The following DIP2C variants were observed in gnomAD, a reference collection of about 807,000 sequenced individuals.
The protein encoded by DIP2C is DIP2 acetate--CoA ligase C (putative), also known as disco-interacting protein 2 homolog C.
DIP2C carries 33 observed loss-of-function variants against 192.4 expected under a neutral mutation model. The observed-to-expected ratio is 0.17, with a 90% confidence interval of 0.13 to 0.23. The LOEUF (loss-of-function observed/expected upper bound fraction) is 0.23, where lower values mean the gene tolerates loss of function less well. Ranked by LOEUF, DIP2C falls within the 10% of genes least tolerant of loss-of-function variation. The probability of loss-of-function intolerance (pLI) is 1.00; values close to 1 mark genes in which losing one functional copy is unlikely to be tolerated. For synonymous variants in DIP2C, 979 were observed against 864.1 expected, an observed-to-expected ratio of 1.13 and a Z score of -2.33; for missense variants, 1,537 against 2,110.1, an observed-to-expected ratio of 0.73 and a Z score of 5.32.
intron 1 of DIP2C, among the ~76,000 whole-genome samples, chr10:491,945 G>A (rs1206369349): frequency 6.6e-6 from 1 of 152,024 alleles, no homozygotes; most frequent in Non-Finnish European, 1.5e-5. Flanking sequence ...TCAGAATCCT[G>A]ACCCCAGAAA....
intron 32 of DIP2C, among the ~76,000 whole-genome samples, chr10:292,973 G>A (rs1211814945): frequency 1.3e-5 from 2 of 152,234 alleles, no homozygotes; most frequent in African/African-American, 2.4e-5. Flanking sequence ...CTCTGGAGAC[G>A]TCAAAACAAC....
At chr10:625,749 G>C (rs571191646) in intron 1 of DIP2C, among the ~76,000 whole-genome samples, 46 of 152,344 alleles carry the variant, frequency 3.0e-4, no homozygotes, top group African/African-American at 1.1e-3. Context: ...GAACCTTTCT[G>C]ACTACTCACA....
intron 5 of DIP2C, among the ~76,000 whole-genome samples, chr10:420,619 G>A (rs543469292): frequency 6.6e-5 from 10 of 152,264 alleles, no homozygotes; most frequent in South Asian, 2.1e-4. Flanking sequence ...GTAGAGCAGT[G>A]GAAAAAGAAA....
intron 1 of DIP2C, among the ~76,000 whole-genome samples, chr10:670,405 T>A (rs745436061): frequency 6.6e-6 from 1 of 152,064 alleles, no homozygotes; most frequent in African/African-American, 2.4e-5. Context: ...TACGTAAGTA[T>A]CATCTCAGGT....
intron 1 of DIP2C, among the ~76,000 whole-genome samples, chr10:502,433 C>G (rs764803894): frequency 1.3e-5 from 2 of 152,066 alleles, no homozygotes; most frequent in African/African-American, 4.8e-5. Flanking sequence ...GCTCATAGGA[C>G]GAAAGGCTCA....
intron 1 of DIP2C, among the ~76,000 whole-genome samples, chr10:679,713 TC>T (rs1831061353): frequency 6.7e-6 from 1 of 150,124 alleles, no homozygotes; most frequent in Non-Finnish European, 1.5e-5. Context: ...ATGCCCATGC[TC>T]CCTGCATCCG....
intron 4 of DIP2C, among the ~76,000 whole-genome samples, chr10:424,474 T>C (rs1361216196): frequency 6.7e-6 from 1 of 148,764 alleles, no homozygotes; most frequent in Non-Finnish European, 1.5e-5. Flanking sequence ...CAAGAGATTC[T>C]CCTGCCTCAG....
chr10:466,669 C>T (rs1042714547), intron 3 of DIP2C, among the ~76,000 whole-genome samples: 3 of 150,214 alleles, frequency 2.0e-5, no homozygotes, highest in Middle Eastern at 6.9e-3. Context: ...CCAGAATCTA[C>T]AATGAACTCA....
intron 10 of DIP2C, among the ~76,000 whole-genome samples, chr10:394,587 C>CA (rs1963811746): frequency 6.9e-6 from 1 of 144,296 alleles, no homozygotes; most frequent in African/African-American, 2.6e-5. Context: ...GGGCGCTATT[C>CA]AGCCTTCAGA....
intron 32 of DIP2C, among the ~76,000 whole-genome samples, chr10:293,323 G>A (rs1955584794): frequency 6.6e-6 from 1 of 152,236 alleles, no homozygotes; most frequent in Non-Finnish European, 1.5e-5. Flanking sequence ...GAGCAAACAG[G>A]ACGCAGGGAA....
intron 1 of DIP2C, among the ~76,000 whole-genome samples, chr10:687,269 G>A (rs1021496913): frequency 6.6e-6 from 1 of 152,198 alleles, no homozygotes; most frequent in African/African-American, 2.4e-5. Context: ...TCTAATTTAA[G>A]CCTGTAAAAC....
intron 34 of DIP2C, among the ~76,000 whole-genome samples, chr10:283,954 C>T (rs995702915): frequency 6.6e-6 from 1 of 152,162 alleles, no homozygotes; most frequent in Non-Finnish European, 1.5e-5. Context: ...AACGAAAATG[C>T]CTGATGTCTG....
chr10:303,535 T>C (rs146422098), intron 32 of DIP2C, among the ~76,000 whole-genome samples: 2,395 of 152,310 alleles, frequency 0.016, 26 homozygotes, highest in Middle Eastern at 0.037. Flanking sequence ...TTTTTTTTCT[T>C]TTTTTGAGAC....
At chr10:671,419 G>A (rs1423729180) in intron 1 of DIP2C, among the ~76,000 whole-genome samples, 1 of 133,908 alleles carries the variant, frequency 7.5e-6, no homozygotes, top group Non-Finnish European at 1.6e-5. Context: ...ACGCACGGAC[G>A]GAGGAAACGT....
At chr10:320,183 ACT>A (rs1272000649) in intron 31 of DIP2C, among the ~76,000 whole-genome samples, 1 of 152,170 alleles carries the variant, frequency 6.6e-6, no homozygotes, top group African/African-American at 2.4e-5. Flanking sequence ...GGGAGACTAG[ACT>A]CTAGTCAAGT....
intron 1 of DIP2C, among the ~76,000 whole-genome samples, chr10:578,506 T>C (rs1465586271): frequency 1.3e-5 from 2 of 152,240 alleles, no homozygotes; most frequent in Non-Finnish European, 2.9e-5. Flanking sequence ...GAGCTGTTTA[T>C]GATGTCAGGA....
At chr10:676,956 G>C (rs1830898795) in intron 1 of DIP2C, among the ~76,000 whole-genome samples, 1 of 152,136 alleles carries the variant, frequency 6.6e-6, no homozygotes. Context: ...CCACCATTAA[G>C]AAATAACAAA....
At chr10:683,824 TA>T (rs1032173638) in intron 1 of DIP2C, among the ~76,000 whole-genome samples, 19 of 152,086 alleles carry the variant, frequency 1.2e-4, no homozygotes, top group Non-Finnish European at 2.5e-4. Flanking sequence ...AATCACTGAT[TA>T]AAAAAAATCA....
rs1375004922 is a variant in DIP2C at position 285,231 on chromosome 10, G to A, written c.4119+1042C>T. On this transcript the variant is annotated intron_variant, in intron 34 of 36. Transcript: ENST00000280886. ...GAGAACTGGGGAGGGCTTGCTCATT[G>A]GTCAGGTGTTCACCCACGTGCGTGT... is the stretch of plus-strand genomic sequence containing the variant. 2.0e-5 allele frequency among the ~76,000 whole-genome samples: 3 copies of A among 151,812 alleles called. No homozygotes were observed. In the East Asian group the frequency reaches 5.8e-4, roughly 29 times the overall value.
Sources: gnomAD v4.1 joint callset for allele counts (sites outside exome capture counted in the v4.1 genomes callset) on GRCh38, gnomAD v4.1.1 for gene constraint, MANE v1.5 for transcripts, NCBI Gene and HGNC (gene_info 2026-07-23, HGNC 2026-07-21) for gene names.